ZBTB17: variants seen among roughly 807,000 people sequenced by gnomAD.
ZBTB17 encodes the protein zinc finger and BTB domain containing 17.
In ZBTB17, 24 loss-of-function variants were observed where a neutral mutation model predicts 85.1. That is an observed-to-expected ratio of 0.28 (90% CI 0.20 to 0.40). The LOEUF (loss-of-function observed/expected upper bound fraction) is 0.40. Ranked by LOEUF, ZBTB17 falls within the 10% of genes least tolerant of loss-of-function variation. The probability of loss-of-function intolerance (pLI) is 1.00; values close to 1 mark genes in which losing one functional copy is unlikely to be tolerated. For synonymous variants in ZBTB17, 464 were observed against 460.2 expected (o/e 1.01, Z -0.11); for missense variants, 743 against 1,105.1 (o/e 0.67, Z 4.65).
intron 2 of ZBTB17, chr1:15,970,199 C>T (rs1253558353): frequency 1.4e-5 from 7 of 496,124 alleles, no homozygotes; most frequent in East Asian, 3.8e-5. Context: ...ATTTGCCAAG[C>T]TGATAAATGT....
At chr1:15,975,481 G>A (rs2072835830) in intron 1 of ZBTB17, among the ~76,000 whole-genome samples, 1 of 152,174 alleles carries the variant, frequency 6.6e-6, no homozygotes, top group East Asian at 1.9e-4. Flanking sequence ...CTGAACCACC[G>A]TCCGCAGTAC....
intron 9 of ZBTB17, 128 bp downstream of exon 9, chr1:15,944,172 C>T: frequency 2.9e-6 from 4 of 1,375,922 alleles, no homozygotes; most frequent in Non-Finnish European, 4.0e-6. Flanking sequence ...CGCCTGTTTC[C>T]TGGGTGAACA....
At chr1:15,963,750 A>G (rs565993734) in intron 2 of ZBTB17, among the ~76,000 whole-genome samples, 4 of 152,178 alleles carry the variant, frequency 2.6e-5, no homozygotes, top group Admixed American at 1.3e-4. Context: ...AGGAAGAACA[A>G]TGAAAGTAGT....
rs780791056 is a variant in ZBTB17 at position 15,942,318 on chromosome 1, T to A, written c.2128+13A>T. ...GGCTCTGCCCACATTCACACCCGGG[T>A]GGCCCCCCTCACCTTCTTCCTGCAC... On this transcript the variant is annotated intron_variant, in intron 15 of 15. Coordinates refer to ENST00000375743, the MANE Select transcript of ZBTB17 (RefSeq NM_003443.3). 3.7e-6 allele frequency: 6 copies of A among 1,613,874 alleles called. No homozygotes were observed. Among genetic ancestry groups the A allele is most frequent in the Non-Finnish European group, 4.2e-6 (5 of 1,179,972 alleles).
At chr1:15,965,600 G>GT (rs1406851503) in intron 2 of ZBTB17, among the ~76,000 whole-genome samples, 2 of 152,208 alleles carry the variant, frequency 1.3e-5, no homozygotes, top group Non-Finnish European at 2.9e-5. Context: ...TGGAGAGGCT[G>GT]TGCATACATG....
chr1:15,953,108 T>G lies in ZBTB17; in HGVS notation c.-2-4611A>C, dbSNP rs116006709. The G allele has an allele frequency of 1.5e-4, 23 of 152,310 alleles. No individual in the cohort carries two copies. Among genetic ancestry groups the G allele is most frequent in the African/African-American group, 5.5e-4 (23 of 41,566 alleles). The allele number at this position is 152,310 out of a possible 1,614,324, so 9.4% of individuals were successfully genotyped here. A position where few individuals can be genotyped will look rare whatever the true frequency, so the allele number is the denominator to read the frequency against. On this transcript the variant is annotated intron_variant, in intron 2 of 15. Transcript: ENST00000375743. The surrounding 1 kb of genome is among the most constrained non-coding windows in gnomAD (Gnocchi z 5.1). ...TTTCTTTACTTGGAGTCCCCTGGATTTATTACTTAAACTAAATGTGTATAT... is the reference window on the plus strand; with the variant it reads ...TTTCTTTACTTGGAGTCCCCTGGATGTATTACTTAAACTAAATGTGTATAT...
rs2071904103 is a variant in ZBTB17 at position 15,952,646 on chromosome 1, G to T, written c.-2-4149C>A. On this transcript the variant is annotated intron_variant, in intron 2 of 15. Coordinates refer to ENST00000375743, the MANE Select transcript of ZBTB17 (RefSeq NM_003443.3). This position sits in a 1 kb window ranked among gnomAD's most constrained non-coding sequence, Gnocchi z 4.3. ...AACCTAAAGAAGCCTGGAAGATTCT[G>T]CTGTGGCTCCTGGGAATCCAGTCAC... 6.6e-6 allele frequency among the ~76,000 whole-genome samples: 1 copy of T among 152,232 alleles called. No homozygotes were observed. Among genetic ancestry groups the T allele is most frequent in the Admixed American group, 6.5e-5 (1 of 15,282 alleles).
intron 2 of ZBTB17, among the ~76,000 whole-genome samples, chr1:15,955,156 AAAAC>A (rs372359756): frequency 8.5e-5 from 13 of 152,244 alleles, no homozygotes; most frequent in African/African-American, 1.7e-4. Context: ...TCTGTCTCCA[AAAAC>A]AAACAAACAA....
At chr1:15,946,079 C>T in intron 5 of ZBTB17, 75 bp downstream of exon 5, 3 of 1,598,066 alleles carry the variant, frequency 1.9e-6, no homozygotes, top group Non-Finnish European at 2.5e-6. Context: ...TGCCCCAAGG[C>T]AGCCCTCACT....
Position 15,951,303 on chromosome 1 carries a change from AGAAG to A in ZBTB17, c.-2-2810_-2-2807del, listed in dbSNP as rs1008154533. Among the ~76,000 whole-genome samples, 18 of 129,046 alleles carry A rather than the reference AGAAG, an allele frequency of 1.4e-4. No homozygotes were observed. The highest frequency in any genetic ancestry group is 4.1e-4 in the African/African-American group (13 of 31,704). The allele number at this position is 129,046 out of a possible 152,430, so 84.7% of individuals were successfully genotyped here. On this transcript the variant is annotated intron_variant, in intron 2 of 15. Transcript: ENST00000375743. The surrounding 1 kb of genome is among the most constrained non-coding windows in gnomAD (Gnocchi z 4.1). ...AAGTAAGGGAAGGAAAGGAGAGAGA[AGAAG>A]GAAGGAAGGAAGGGAGAGAGGGAGG...
In ZBTB17 at chr1:15,951,030, GC is replaced by G. The variant is rs1324622916; in HGVS notation, c.-2-2534del. Among the ~76,000 whole-genome samples the G allele has an allele frequency of 2.0e-5, 3 of 152,106 alleles. No individual in the cohort carries two copies. Among genetic ancestry groups the G allele is most frequent in the Non-Finnish European group, 2.9e-5 (2 of 67,984 alleles). On this transcript the variant is annotated intron_variant, in intron 2 of 15. Transcript: ENST00000375743. This position sits in a 1 kb window ranked among gnomAD's most constrained non-coding sequence, Gnocchi z 4.1. ...CAAGGACAGGGTGGGTGGTGGCCCA[GC>G]CCCCCACATACCACCACCCGCCAAG...
chr1:15,943,236 C>A (rs755179485), intron 12 of ZBTB17, 42 bp from the exon 13 acceptor site: 2 of 1,613,572 alleles, frequency 1.2e-6, no homozygotes, highest in African/African-American at 2.7e-5. Context: ...ACTGCCCCAA[C>A]CTGGGCCTCC....
intron 2 of ZBTB17, among the ~76,000 whole-genome samples, chr1:15,955,888 A>G (rs1434519844): frequency 1.3e-5 from 2 of 152,176 alleles, no homozygotes; most frequent in Non-Finnish European, 2.9e-5. Flanking sequence ...ATCCACAACT[A>G]AAGTTTAGCC....
rs2071926628 is a variant in ZBTB17, at chr1:15,953,218, G to A, written c.-2-4721C>T. ...TGTAGAAGCAGGATTTCACCATGTT[G>A]CCCAGGCTGGTCTCAAACTCCTGGG... On this transcript the variant is annotated intron_variant, in intron 2 of 15. Coordinates refer to ENST00000375743, the MANE Select transcript of ZBTB17 (RefSeq NM_003443.3). The surrounding 1 kb of genome is among the most constrained non-coding windows in gnomAD (Gnocchi z 5.1). 6.7e-6 allele frequency among the ~76,000 whole-genome samples: 1 copy of A among 148,786 alleles called. No homozygotes were observed. Among genetic ancestry groups the A allele is most frequent in the South Asian group, 2.1e-4 (1 of 4,684 alleles).
chr1:15,971,206 T>A (rs760328971), intron 2 of ZBTB17, among the ~76,000 whole-genome samples: 11 of 151,188 alleles, frequency 7.3e-5, no homozygotes, highest in Non-Finnish European at 1.2e-4. Context: ...TGCTAAAATG[T>A]ATGTAAAAAT....
intron 9 of ZBTB17, 23 bp from the exon 10 acceptor site, chr1:15,943,918 G>T (rs1353304838): frequency 6.4e-7 from 1 of 1,573,820 alleles, no homozygotes; most frequent in South Asian, 1.2e-5. Flanking sequence ...AGGGGTCAGG[G>T]GGGCCACCCC....
rs935894894 is a variant in ZBTB17 at position 15,951,214 on chromosome 1, G to A, written c.-2-2717C>T. Among the ~76,000 whole-genome samples the A allele has an allele frequency of 6.6e-6, 1 of 151,908 alleles. No individual in the cohort carries two copies. The highest frequency in any genetic ancestry group is 2.4e-5 in the African/African-American group (1 of 41,340). On this transcript the variant is annotated intron_variant, in intron 2 of 15. Transcript: ENST00000375743. This position sits in a 1 kb window ranked among gnomAD's most constrained non-coding sequence, Gnocchi z 4.1. ...TCTGAGGCTGCCCCAGCAGAGAAAC[G>A]CACCAAAAGGGAAGAAAACAGGAGA... is the stretch of plus-strand genomic sequence containing the variant.
rs1035297296 is a variant in ZBTB17, at chr1:15,943,522, G to A, written c.1577-3C>T. ...CACACACTGGCATGGCTTCTCACCT[G>A]GGGACCGGGCAGAAGGTGTTGGTGC... On this transcript the variant is annotated splice_region_variant and splice_polypyrimidine_tract_variant and intron_variant, in intron 11 of 15. Transcript: ENST00000375743. 4.3e-6 allele frequency: 7 copies of A among 1,609,966 alleles called. No individual in the cohort carries two copies. The highest frequency in any genetic ancestry group is 4.0e-5 in the African/African-American group (3 of 74,992).
At chr1:15,974,515 T>C (rs1477057150) in intron 1 of ZBTB17, among the ~76,000 whole-genome samples, 1 of 151,702 alleles carries the variant, frequency 6.6e-6, no homozygotes, top group African/African-American at 2.4e-5. Flanking sequence ...ACCTAAAGTT[T>C]AAAGTCCTTA....
Sources: allele counts gnomAD v4.1 joint callset (sites outside exome capture counted in the v4.1 genomes callset), GRCh38; gene constraint gnomAD v4.1.1; non-coding constraint Gnocchi (gnomAD v3.1); transcripts MANE v1.5; gene names NCBI Gene and HGNC (gene_info 2026-07-23, HGNC 2026-07-21).